ADCY9: variants seen among roughly 807,000 people sequenced by gnomAD.
ADCY9 encodes adenylate cyclase 9, also known as adenylate cyclase type 9.
In ADCY9, 50 loss-of-function variants were observed where a neutral mutation model predicts 101.5. That is an observed-to-expected ratio of 0.49 (90% CI 0.39 to 0.62). The LOEUF is 0.62. ADCY9 is among the 20% of genes least tolerant of loss of function. ADCY9 has a pLI of 0.00. For missense variants in ADCY9, 1,662 were observed against 1,800.4 expected (o/e 0.92, Z 1.39); for synonymous variants, 905 against 769.3 (o/e 1.18, Z -2.92).
At chr16:4,051,344 T>C (rs1280574212) in intron 2 of ADCY9, among the ~76,000 whole-genome samples, 1 of 151,586 alleles carries the variant, frequency 6.6e-6, no homozygotes, top group Non-Finnish European at 1.5e-5. Flanking sequence ...GTTAACACAG[T>C]GAAACCCCGT....
In ADCY9 at chr16:4,062,758, A is replaced by C. The variant is rs966664036; in HGVS notation, c.1693+50992T>G. Among the ~76,000 whole-genome samples, 3 of 152,230 alleles carry C rather than the reference A, an allele frequency of 2.0e-5. No individual in the cohort carries two copies. The South Asian group carries it at 6.2e-4, about 31-fold the overall frequency. Reference sequence around the variant, plus strand: ...ACAAAAAAGTTATAAGAGAAAAAGAAATTTTGTAACAATAAAAGGGTCAAC... The same window carrying C: ...ACAAAAAAGTTATAAGAGAAAAAGACATTTTGTAACAATAAAAGGGTCAAC... On this transcript the variant is annotated intron_variant, in intron 2 of 10. Coordinates refer to ENST00000294016, the MANE Select transcript of ADCY9 (RefSeq NM_001116.4).
intron 2 of ADCY9, among the ~76,000 whole-genome samples, chr16:4,111,106 C>G (rs193184919): frequency 6.6e-6 from 1 of 152,184 alleles, no homozygotes; most frequent in Non-Finnish European, 1.5e-5. Context: ...AAAGCCTGTT[C>G]GGATAAATTT....
chr16:4,045,721 T>A (rs1597188803), intron 2 of ADCY9, among the ~76,000 whole-genome samples: 1 of 151,316 alleles, frequency 6.6e-6, no homozygotes, highest in South Asian at 2.1e-4. Context: ...TTTTTTGAGA[T>A]AGGGTCTCAC....
intron 2 of ADCY9, among the ~76,000 whole-genome samples, chr16:4,011,235 G>C (rs773516057): frequency 8.5e-5 from 13 of 152,204 alleles, no homozygotes; most frequent in Non-Finnish European, 1.8e-4. Context: ...CCTGCAGCAG[G>C]CATAGCTAAA....
chr16:3,962,992 G>C lies in ADCY9; in HGVS notation c.*2783C>G, dbSNP rs982673012. On this transcript the variant is annotated 3_prime_UTR_variant, in exon 11 of 11. Coordinates refer to ENST00000294016, the MANE Select transcript of ADCY9 (RefSeq NM_001116.4). ...CGCGGGTGACGTCAGTGTGGATGAA[G>C]TCACGGGTGTGGCAGAGCCTGTGGG... The C allele has an allele frequency of 6.5e-6, 1 of 153,880 alleles. No homozygotes were observed. The highest frequency in any genetic ancestry group is 2.4e-5 in the African/African-American group (1 of 41,302). 9.5% of individuals were successfully genotyped at this position (153,880 alleles called of 1,614,324 possible).
chr16:4,070,521 A>G (rs989727895), intron 2 of ADCY9, among the ~76,000 whole-genome samples: 1 of 152,210 alleles, frequency 6.6e-6, no homozygotes, highest in African/African-American at 2.4e-5. Flanking sequence ...TCCACCTAAC[A>G]GAAATTAAAA....
Position 3,963,359 on chromosome 16 carries a change from A to T in ADCY9, c.*2416T>A. The T allele has an allele frequency of 2.5e-6, 1 of 398,870 alleles. No individual in the cohort carries two copies. The highest frequency in any genetic ancestry group is 4.4e-6 in the Non-Finnish European group (1 of 226,030). 24.7% of individuals were successfully genotyped at this position (398,870 alleles called of 1,614,324 possible). A position where few individuals can be genotyped will look rare whatever the true frequency, so the allele number is the denominator to read the frequency against. On this transcript the variant is annotated 3_prime_UTR_variant, in exon 11 of 11. Coordinates refer to ENST00000294016, the MANE Select transcript of ADCY9 (RefSeq NM_001116.4). The stretch of plus-strand genomic sequence containing the variant: ...CACGATGTGCTCGCTGCCAACAGAC[A>T]AGAGATGCACGGCGTTTCCGCTGCA...
intron 2 of ADCY9, among the ~76,000 whole-genome samples, chr16:4,101,833 G>A (rs566520550): frequency 3.3e-5 from 5 of 152,136 alleles, no homozygotes; most frequent in Non-Finnish European, 7.3e-5. Flanking sequence ...CCATCGAGGG[G>A]CCCATCATCT....
intron 2 of ADCY9, among the ~76,000 whole-genome samples, chr16:4,055,965 G>A (rs890614202): frequency 6.6e-5 from 10 of 152,132 alleles, no homozygotes; most frequent in Non-Finnish European, 1.2e-4. Flanking sequence ...GCGCTGCAAC[G>A]ACTGGGTGAC....
chr16:4,094,706 A>C (rs2056992324), intron 2 of ADCY9, among the ~76,000 whole-genome samples: 1 of 152,120 alleles, frequency 6.6e-6, no homozygotes, highest in South Asian at 2.1e-4. Context: ...AGATTAATAC[A>C]ATATAATAAT....
intron 5 of ADCY9, among the ~76,000 whole-genome samples, chr16:3,989,860 G>A (rs2056230289): frequency 6.6e-6 from 1 of 152,218 alleles, no homozygotes; most frequent in African/African-American, 2.4e-5. Flanking sequence ...AGCACTGACA[G>A]TAATTGCCAC....
intron 8 of ADCY9, among the ~76,000 whole-genome samples, chr16:3,978,637 G>A (rs1750493320): frequency 1.3e-5 from 2 of 152,276 alleles, no homozygotes; most frequent in Admixed American, 6.5e-5. Context: ...CATCTGGGCA[G>A]GCCAATGCTA....
chr16:3,979,934 C>T (rs945976443), intron 7 of ADCY9, among the ~76,000 whole-genome samples: 1 of 151,600 alleles, frequency 6.6e-6, no homozygotes, highest in Admixed American at 6.6e-5. Context: ...TTTCTTGGAG[C>T]GCAGCTCCTG....
At chr16:4,022,014 C>G (rs72762782) in intron 2 of ADCY9, among the ~76,000 whole-genome samples, 17,924 of 152,198 alleles carry the variant, frequency 0.12, 1,168 homozygotes, top group Admixed American at 0.15. Context: ...GACAACATAA[C>G]CTTTAATCAC....
chr16:3,980,053 G>A (rs986303789), intron 7 of ADCY9, among the ~76,000 whole-genome samples: 2 of 152,224 alleles, frequency 1.3e-5, no homozygotes, highest in African/African-American at 2.4e-5. Context: ...CACCAAACCC[G>A]CACACGCGTG....
At chr16:3,972,723 C>T (rs1193295710) in intron 10 of ADCY9, among the ~76,000 whole-genome samples, 3 of 152,102 alleles carry the variant, frequency 2.0e-5, no homozygotes, top group Non-Finnish European at 2.9e-5. Flanking sequence ...TGGTATATTT[C>T]AGTGCCATTT....
intron 2 of ADCY9, among the ~76,000 whole-genome samples, chr16:4,035,998 CAAAA>C (rs55792873): frequency 4.3e-5 from 1 of 23,168 alleles, no homozygotes; most frequent in South Asian, 4.4e-3. Flanking sequence ...AACTCCATCT[CAAAA>C]AAAAAAAAAA....
intron 3 of ADCY9, among the ~76,000 whole-genome samples, chr16:4,003,203 G>A (rs901349314): frequency 6.6e-6 from 1 of 152,158 alleles, no homozygotes; most frequent in African/African-American, 2.4e-5. Context: ...GGTTACGGCC[G>A]AGAGCATCCA....
Position 4,114,030 on chromosome 16 carries a change from C to T in ADCY9, c.1413G>A (p.Lys471=), listed in dbSNP as rs1427159766. The change falls in exon 2 of 11, where the codon AAG becomes AAA. Residue 471 remains lysine, a synonymous_variant. Transcript: ENST00000294016. This position sits in a 1 kb window ranked among gnomAD's most constrained non-coding sequence, Gnocchi z 4.3. The stretch of plus-strand genomic sequence containing the variant: ...TCTCCTGGCAGAACTGCTCGATGGC[C>T]TTGATCATGCCCAGGCCCATCTCGA... ...CCIEMGLGMI[K]AIEQFCQEKK... The T allele has an allele frequency of 3.7e-6, 6 of 1,613,884 alleles. No individual in the cohort carries two copies. Among genetic ancestry groups the T allele is most frequent in the Non-Finnish European group, 5.1e-6 (6 of 1,180,048 alleles).
Sources: allele counts gnomAD v4.1 joint callset (sites outside exome capture counted in the v4.1 genomes callset), GRCh38; gene constraint gnomAD v4.1.1; non-coding constraint Gnocchi (gnomAD v3.1); transcripts MANE v1.5; gene names NCBI Gene and HGNC (gene_info 2026-07-23, HGNC 2026-07-21).